Variants in KHDRBS2 observed in about 807,000 individuals in gnomAD.
KHDRBS2 encodes KH RNA binding domain containing, signal transduction associated 2.
In KHDRBS2, 26 loss-of-function variants were observed where a neutral mutation model predicts 44.3. The observed-to-expected ratio is 0.59, with a 90% CI of 0.43 to 0.81. The LOEUF (loss-of-function observed/expected upper bound fraction) is 0.81. Among genes scored for constraint, KHDRBS2 ranks in the 40% least tolerant of loss-of-function variants. The pLI is 0.00. For synonymous variants in KHDRBS2, 194 were observed against 151.1 expected, an observed-to-expected ratio of 1.28 and a Z score of -2.08; for missense variants, 476 against 433.1, an observed-to-expected ratio of 1.10 and a Z score of -0.88.
At chr6:61,593,849 G>A in the KHDRBS2 span, among the ~76,000 whole-genome samples, 1 of 152,070 alleles carries the variant, frequency 6.6e-6, no homozygotes, top group Non-Finnish European at 1.5e-5. Flanking sequence ...CAGAAACTAT[G>A]TAAAGGAACT....
At chr6:61,568,391 G>A in the KHDRBS2 span, among the ~76,000 whole-genome samples, 1 of 152,236 alleles carries the variant, frequency 6.6e-6, no homozygotes, top group South Asian at 2.1e-4. Context: ...ACTGGTGAGA[G>A]GGTGTGTTAA....
At chr6:61,797,840 G>A (rs1007406947) in intron 6 of KHDRBS2, among the ~76,000 whole-genome samples, 2 of 151,154 alleles carry the variant, frequency 1.3e-5, no homozygotes, top group African/African-American at 4.9e-5. Flanking sequence ...ATTTGTAGAG[G>A]GGACTTCAGT....
At chr6:61,902,478 G>A (rs578123711) in intron 4 of KHDRBS2, among the ~76,000 whole-genome samples, 11 of 151,476 alleles carry the variant, frequency 7.3e-5, no homozygotes, top group African/African-American at 2.7e-4. Flanking sequence ...ACAAGTGCCA[G>A]TATCACCTGT....
At chr6:61,960,504 G>T (rs1288052582) in intron 4 of KHDRBS2, among the ~76,000 whole-genome samples, 1 of 151,984 alleles carries the variant, frequency 6.6e-6, no homozygotes, top group Non-Finnish European at 1.5e-5. Flanking sequence ...CAATAATGTG[G>T]TGAAATAAAG....
At chr6:61,993,659 A>ATATT (rs1237633926) in intron 3 of KHDRBS2, among the ~76,000 whole-genome samples, 1 of 121,162 alleles carries the variant, frequency 8.3e-6, no homozygotes, top group Non-Finnish European at 1.8e-5. Context: ...TCATATATAT[A>ATATT]TATATATATA....
the KHDRBS2 span, among the ~76,000 whole-genome samples, chr6:61,653,860 T>A: frequency 6.7e-6 from 1 of 150,284 alleles, no homozygotes; most frequent in African/African-American, 2.4e-5. Flanking sequence ...GGTGAAAAAA[T>A]TTATAAAATA....
At chr6:62,058,354 T>C (rs567533193) in intron 2 of KHDRBS2, among the ~76,000 whole-genome samples, 1 of 151,786 alleles carries the variant, frequency 6.6e-6, no homozygotes, top group South Asian at 2.2e-4. Context: ...CCTTTTGTCC[T>C]AACAATTGAA....
chr6:61,817,967 A>G (rs1194510806), intron 6 of KHDRBS2, among the ~76,000 whole-genome samples: 4 of 152,146 alleles, frequency 2.6e-5, no homozygotes, highest in Non-Finnish European at 5.9e-5. Context: ...TTTGATCGAC[A>G]ACTCCCATAG....
intron 2 of KHDRBS2, among the ~76,000 whole-genome samples, chr6:62,056,284 T>A (rs1267837961): frequency 6.6e-6 from 1 of 151,388 alleles, no homozygotes; most frequent in Non-Finnish European, 1.5e-5. Context: ...ATCCTAGAAA[T>A]AAATTTTTGA....
the KHDRBS2 span, among the ~76,000 whole-genome samples, chr6:61,555,532 A>T: frequency 5.1e-3 from 774 of 152,302 alleles, 6 homozygotes; most frequent in African/African-American, 0.017. Context: ...AGCCTGATTA[A>T]GAAAAATTGT....
chr6:62,040,585 C>A (rs1034340190), intron 3 of KHDRBS2, among the ~76,000 whole-genome samples: 3 of 151,974 alleles, frequency 2.0e-5, no homozygotes, highest in African/African-American at 4.8e-5. Flanking sequence ...TTGGTGAATT[C>A]TTTGCTCGCA....
the KHDRBS2 span, among the ~76,000 whole-genome samples, chr6:61,580,776 C>T: frequency 0.17 from 26,041 of 151,974 alleles, 2,461 homozygotes; most frequent in East Asian, 0.29. Context: ...AGGGACCGAC[C>T]GGTCCGGACA....
At chr6:61,616,714 G>A in the KHDRBS2 span, among the ~76,000 whole-genome samples, 1 of 152,054 alleles carries the variant, frequency 6.6e-6, no homozygotes, top group African/African-American at 2.4e-5. Flanking sequence ...TTTGAGAGGT[G>A]TATTAATGAG....
chr6:62,146,617 G>A (rs560324162), intron 2 of KHDRBS2, among the ~76,000 whole-genome samples: 2 of 151,758 alleles, frequency 1.3e-5, no homozygotes, highest in South Asian at 2.1e-4. Context: ...TACTGCCAAG[G>A]TCTCTTATCC....
At chr6:62,261,280 C>T (rs181903797) in intron 1 of KHDRBS2, among the ~76,000 whole-genome samples, 1 of 151,882 alleles carries the variant, frequency 6.6e-6, no homozygotes, top group Non-Finnish European at 1.5e-5. Flanking sequence ...TCTCCTCATT[C>T]CACATGTGCC....
chr6:62,188,133 T>G (rs535914781), intron 1 of KHDRBS2, among the ~76,000 whole-genome samples: 1 of 152,134 alleles, frequency 6.6e-6, no homozygotes, highest in Non-Finnish European at 1.5e-5. Context: ...AATCCATTCA[T>G]GAGGGATCTG....
intron 6 of KHDRBS2, among the ~76,000 whole-genome samples, chr6:61,797,389 A>G (rs1785516167): frequency 6.6e-6 from 1 of 152,216 alleles, no homozygotes; most frequent in African/African-American, 2.4e-5. Context: ...ACCAAAGATC[A>G]CAGAGAGCCT....
intron 4 of KHDRBS2, among the ~76,000 whole-genome samples, chr6:61,930,689 C>G (rs1399962727): frequency 6.7e-6 from 1 of 150,206 alleles, no homozygotes; most frequent in Non-Finnish European, 1.5e-5. Flanking sequence ...AGAGTGAGAC[C>G]CCGTCTCAAA....
chr6:61,562,827 G>T, the KHDRBS2 span, among the ~76,000 whole-genome samples: 1 of 152,088 alleles, frequency 6.6e-6, no homozygotes, highest in African/African-American at 2.4e-5. Flanking sequence ...CCAATTATGT[G>T]TTAAAGTTTT....
Sources: allele counts gnomAD v4.1 joint callset (sites outside exome capture counted in the v4.1 genomes callset), GRCh38; gene constraint gnomAD v4.1.1; transcripts MANE v1.5; gene names NCBI Gene and HGNC (gene_info 2026-07-23, HGNC 2026-07-21).